Variants in EZR observed in about 807,000 individuals in gnomAD.
The protein encoded by EZR is cytovillin 2.
A neutral mutation model predicts 74.8 loss-of-function variants in EZR; 40 were observed. The observed-to-expected ratio is 0.53, with a 90% confidence interval of 0.42 to 0.70. EZR has a LOEUF of 0.70. EZR is among the 30% of genes least tolerant of loss of function. EZR has a pLI of 0.00. For missense variants in EZR, 678 were observed against 755.8 expected (o/e 0.90, Z 1.21); for synonymous variants, 341 against 283.3 (o/e 1.20, Z -2.05).
At chr6:158,802,573 C>T (rs1184855243) in intron 2 of EZR, among the ~76,000 whole-genome samples, 5 of 152,118 alleles carry the variant, frequency 3.3e-5, no homozygotes, top group African/African-American at 9.7e-5. Context: ...CTCTTGTTGC[C>T]CAGGCTGGAG....
intron 2 of EZR, among the ~76,000 whole-genome samples, chr6:158,816,490 G>A (rs936850739): frequency 6.6e-6 from 1 of 152,134 alleles, no homozygotes; most frequent in African/African-American, 2.4e-5. Flanking sequence ...ACCCAGAAGG[G>A]TAATCTTCTT....
Position 158,785,413 on chromosome 6 carries a change from A to T in EZR, c.363T>A (p.Thr121=). ...LSDEIYCPPE[T]AVLLGSYAVQ... is the part of the protein sequence containing the mutation. ...CAGCGTAGGACCCCAAGAGCACGGC[A>T]GTCTCAGGGGGGCAGTAGATCTCAT... is the stretch of plus-strand genomic sequence containing the variant. The change falls in exon 5 of 14, where the codon ACT becomes ACA. Residue 121 remains threonine (T), a synonymous_variant. Coordinates refer to ENST00000367075, the MANE Select transcript of EZR (RefSeq NM_001111077.2). 2 of 1,614,214 alleles carry T rather than the reference A, an allele frequency of 1.2e-6. No homozygotes were observed. Among genetic ancestry groups the T allele is most frequent in the East Asian group, 4.5e-5 (2 of 44,872 alleles).
In EZR at chr6:158,790,968, C is replaced by A. The variant is rs1052202330; in HGVS notation, c.13-1597G>T. Among the ~76,000 whole-genome samples, 48 of 152,140 alleles carry A rather than the reference C, an allele frequency of 3.2e-4. 2 individuals carry two copies. The highest frequency in any genetic ancestry group is 8.8e-5 in the Non-Finnish European group (6 of 68,030). On this transcript the variant is annotated intron_variant, in intron 2 of 13. Transcript: ENST00000367075. ...AACACAGGTGTAAATGTAATAAGGA[C>A]GTATTACCTGTGCCAGTATATGGCG... is the stretch of plus-strand genomic sequence containing the variant.
chr6:158,788,973 TC>T (rs1791658311), intron 3 of EZR, among the ~76,000 whole-genome samples: 1 of 152,144 alleles, frequency 6.6e-6, no homozygotes, highest in Non-Finnish European at 1.5e-5. Context: ...GGCCAGCACC[TC>T]CTTACAATGA....
chr6:158,782,461 G>A (rs1791457927), intron 7 of EZR, among the ~76,000 whole-genome samples: 1 of 152,204 alleles, frequency 6.6e-6, no homozygotes, highest in Non-Finnish European at 1.5e-5. Context: ...GGGAAATGGG[G>A]AGAGCTGTCA....
At chr6:158,788,703 GTATT>G (rs1190943590) in intron 3 of EZR, among the ~76,000 whole-genome samples, 4 of 150,288 alleles carry the variant, frequency 2.7e-5, no homozygotes, top group East Asian at 1.9e-4. Context: ...GGGGAAAAAA[GTATT>G]TAATAAGTAA....
At chr6:158,791,279 C>T (rs559967342) in intron 2 of EZR, among the ~76,000 whole-genome samples, 13 of 152,308 alleles carry the variant, frequency 8.5e-5, no homozygotes, top group African/African-American at 2.9e-4. Context: ...TAGGAGGCAA[C>T]GAGACATGTT....
rs73583991 is a variant in EZR, at chr6:158,812,737, C to A, written c.12+5345G>T. Among the ~76,000 whole-genome samples the A allele has an allele frequency of 1.9e-3, 288 of 152,246 alleles. 1 individual carries two copies. The highest frequency in any genetic ancestry group is 6.7e-3 in the African/African-American group (278 of 41,514). On this transcript the variant is annotated intron_variant, in intron 2 of 13. Transcript: ENST00000367075. Reference sequence around the variant, plus strand: ...TGTAACAACAAATCCAGACTCCCCACCTTCCCCCACACCTGGTCCTTCTCC... The same window carrying A: ...TGTAACAACAAATCCAGACTCCCCAACTTCCCCCACACCTGGTCCTTCTCC...
rs35455909 is a variant in EZR, at chr6:158,788,650, GAA to G, written c.96+636_96+637del. On this transcript the variant is annotated intron_variant, in intron 3 of 13. Transcript: ENST00000367075. ...CAACAGAGTGAGATTCAGTCTCAAAGAAAAAAAAAAAAAACAACGCTGTATTT... is the reference window on the plus strand; with the variant it reads ...CAACAGAGTGAGATTCAGTCTCAAAGAAAAAAAAAAAACAACGCTGTATTT... Among the ~76,000 whole-genome samples the G allele has an allele frequency of 8.6e-3, 1,091 of 126,788 alleles. 6 individuals carry two copies. Among genetic ancestry groups the G allele is most frequent in the Non-Finnish European group, 0.013 (756 of 60,452 alleles). 83.2% of individuals were successfully genotyped at this position (126,788 alleles called of 152,430 possible).
chr6:158,807,431 T>A (rs997291095), intron 2 of EZR, among the ~76,000 whole-genome samples: 2 of 151,896 alleles, frequency 1.3e-5, no homozygotes, highest in Non-Finnish European at 2.9e-5. Flanking sequence ...AAACAATCAT[T>A]TCCCTGAACC....
At chr6:158,783,755 G>T (rs779592567) in intron 6 of EZR, 89 bp from the exon 7 acceptor site, 1 of 1,376,104 alleles carries the variant, frequency 7.3e-7, no homozygotes, top group African/African-American at 1.4e-5. Flanking sequence ...AAATTAAGGC[G>T]CCTTGTGTAG....
chr6:158,777,558 C>T (rs1791314341), intron 7 of EZR, among the ~76,000 whole-genome samples: 2 of 152,242 alleles, frequency 1.3e-5, no homozygotes, highest in Admixed American at 1.3e-4. Context: ...CTCAAAACCA[C>T]CATCCAACAA....
At chr6:158,775,447 T>C (rs893342385) in intron 8 of EZR, among the ~76,000 whole-genome samples, 5 of 152,238 alleles carry the variant, frequency 3.3e-5, no homozygotes, top group Admixed American at 3.3e-4. Flanking sequence ...TAACACCACA[T>C]ACTGTTCTAA....
intron 4 of EZR, 36 bp downstream of exon 4, chr6:158,787,072 C>T (rs1791601415): frequency 9.8e-6 from 15 of 1,538,412 alleles, no homozygotes; most frequent in Non-Finnish European, 1.3e-5. Context: ...GACCAACACC[C>T]AATCCACAGC....
intron 7 of EZR, among the ~76,000 whole-genome samples, chr6:158,776,934 T>G (rs1424162836): frequency 6.6e-6 from 1 of 152,192 alleles, no homozygotes. Context: ...ACTTTCAGTC[T>G]GCTGATCTGA....
In EZR at chr6:158,818,208, C is replaced by T. The variant is rs564499783; in HGVS notation, c.-73-42G>A. 52 of 1,130,830 alleles carry T rather than the reference C, an allele frequency of 4.6e-5. No individual in the cohort carries two copies. The South Asian group carries it at 5.5e-4, about 12-fold the overall frequency. The allele number at this position is 1,130,830 out of a possible 1,614,324, so 70.0% of individuals were successfully genotyped here. ...ACCCTTAGAGCGCCCGCCCGCCCTGCCTCGTCCTCCTGCCGCGCCCGACAC... is the reference window on the plus strand; with the variant it reads ...ACCCTTAGAGCGCCCGCCCGCCCTGTCTCGTCCTCCTGCCGCGCCCGACAC... On this transcript the variant is annotated intron_variant, in intron 1 of 13. Transcript: ENST00000367075.
intron 7 of EZR, among the ~76,000 whole-genome samples, chr6:158,779,029 G>A (rs1791356109): frequency 2.0e-5 from 3 of 152,076 alleles, no homozygotes; most frequent in Non-Finnish European, 4.4e-5. Context: ...CAAATATACT[G>A]ACCAATTGTA....
intron 8 of EZR, 92 bp from the exon 9 acceptor site, chr6:158,771,499 A>C (rs1430882619): frequency 9.5e-6 from 13 of 1,367,984 alleles, no homozygotes; most frequent in African/African-American, 2.9e-5. Flanking sequence ...AACTTTTCTA[A>C]AAGAACAAAT....
chr6:158,791,464 A>C (rs1481077396), intron 2 of EZR, among the ~76,000 whole-genome samples: 2 of 152,242 alleles, frequency 1.3e-5, no homozygotes, highest in East Asian at 3.9e-4. Flanking sequence ...CCCAAGTCAA[A>C]TATCTCAATA....
Sources: gnomAD v4.1 joint callset for allele counts (sites outside exome capture counted in the v4.1 genomes callset) on GRCh38, gnomAD v4.1.1 for gene constraint, MANE v1.5 for transcripts, NCBI Gene and HGNC (gene_info 2026-07-23, HGNC 2026-07-21) for gene names.